RAD21L1: variants seen among roughly 807,000 people sequenced by gnomAD.
The protein encoded by RAD21L1 is double-strand-break repair protein rad21-like protein 1.
Under a neutral mutation model 69.0 loss-of-function variants are expected in RAD21L1, and 47 were observed. That is an observed-to-expected ratio of 0.68 (90% confidence interval 0.54 to 0.87). The LOEUF (loss-of-function observed/expected upper bound fraction) is 0.87, where lower values mean the gene tolerates loss of function less well. RAD21L1 is among the 40% of genes least tolerant of loss of function. RAD21L1 has a pLI of 0.00. For missense variants in RAD21L1, 583 were observed against 647.6 expected (o/e 0.90, Z 1.08); for synonymous variants, 177 against 205.8 (o/e 0.86, Z 1.20).
At chr20:1,233,277 G>A (rs971881768) in intron 4 of RAD21L1, among the ~76,000 whole-genome samples, 2 of 152,032 alleles carry the variant, frequency 1.3e-5, no homozygotes, top group Non-Finnish European at 2.9e-5. Context: ...CTTCAACCAT[G>A]GACTCTAAGA....
At position 1,246,420 on chromosome 20, in the gene RAD21L1, A is replaced by G. The variant is rs2087719405; in HGVS notation, c.1401+115A>G. The G allele has an allele frequency of 2.3e-6, 1 of 440,782 alleles. No individual in the cohort carries two copies. Among genetic ancestry groups the G allele is most frequent in the African/African-American group, 2.0e-5 (1 of 48,820 alleles). 27.3% of individuals were successfully genotyped at this position (440,782 alleles called of 1,614,324 possible). A position where few individuals can be genotyped will look rare whatever the true frequency, so the allele number is the denominator to read the frequency against. On this transcript the variant is annotated intron_variant, in intron 12 of 13. Transcript: ENST00000683101. The surrounding 1 kb of genome is among the most constrained non-coding windows in gnomAD (Gnocchi z 4.6). Reference sequence around the variant, plus strand: ...CTGTCATGTTACTTTCTAAATTTATAATTTAAATTTGTGATTACAACAGAG... The same window carrying G: ...CTGTCATGTTACTTTCTAAATTTATGATTTAAATTTGTGATTACAACAGAG...
chr20:1,249,709 TTAC>T (rs1229625869), intron 13 of RAD21L1, among the ~76,000 whole-genome samples: 1 of 152,176 alleles, frequency 6.6e-6, no homozygotes, highest in African/African-American at 2.4e-5. Context: ...AATAATTCTG[TTAC>T]TATAGAAGAA....
intron 4 of RAD21L1, among the ~76,000 whole-genome samples, chr20:1,232,382 C>G (rs1320706122): frequency 6.6e-6 from 1 of 152,136 alleles, no homozygotes; most frequent in Admixed American, 6.5e-5. Context: ...ATCCCTTTGG[C>G]TACTTACTCT....
intron 13 of RAD21L1, among the ~76,000 whole-genome samples, chr20:1,252,811 C>T (rs535475482): frequency 6.6e-6 from 1 of 152,202 alleles, no homozygotes; most frequent in Non-Finnish European, 1.5e-5. Flanking sequence ...TGGCTTCCCC[C>T]CTGCCAGCAC....
rs2087450448 is a variant in RAD21L1, at chr20:1,234,198, A to C, written c.475+7A>C. 7.8e-7 allele frequency: 1 copy of C among 1,274,410 alleles called. No individual in the cohort carries two copies. The highest frequency in any genetic ancestry group is 2.1e-5 in the Admixed American group (1 of 47,722). 78.9% of individuals were successfully genotyped at this position (1,274,410 alleles called of 1,614,324 possible). ...TTCCAAGCTGAGAGCTTTGGTGAGA[A>C]TATTTGAGAACTCAAAATTACAAAT... On this transcript the variant is annotated splice_region_variant and intron_variant, in intron 5 of 13. Coordinates refer to ENST00000683101, the MANE Select transcript of RAD21L1 (RefSeq NM_001384355.1).
Position 1,238,073 on chromosome 20 carries a change from A to C in RAD21L1, c.505A>C (p.Ser169Arg). ...GGAATCTGAAATTCTCAGAAGACAT[A>C]GCTTCTTTGATGACAACATATTACT... The part of the protein sequence containing the change: ...GEESEILRRH[S>R]FFDDNILLNS... Residue 169 changes from serine (S) to arginine (R), a missense_variant, in exon 6 of 14, where the codon AGC becomes CGC. By Grantham distance (110) the Ser-to-Arg change is moderately radical. Coordinates refer to ENST00000683101, the MANE Select transcript of RAD21L1 (RefSeq NM_001384355.1). 6.6e-7 allele frequency: 1 copy of C among 1,526,308 alleles called. No individual in the cohort carries two copies. Among genetic ancestry groups the C allele is most frequent in the Non-Finnish European group, 8.9e-7 (1 of 1,129,786 alleles). The allele number at this position is 1,526,308 out of a possible 1,614,324, so 94.5% of individuals were successfully genotyped here.
chr20:1,254,558 A>C lies in RAD21L1; in HGVS notation c.*101A>C. ...CTGGAAGCAGCTGAAGGTCTGATCCATTTCATAGATAGGCTGACCTACTTC... is the reference window on the plus strand; with the variant it reads ...CTGGAAGCAGCTGAAGGTCTGATCCCTTTCATAGATAGGCTGACCTACTTC... On this transcript the variant is annotated 3_prime_UTR_variant, in exon 14 of 14. Transcript: ENST00000683101. 1.4e-6 allele frequency: 1 copy of C among 718,870 alleles called. No individual in the cohort carries two copies. The highest frequency in any genetic ancestry group is 3.2e-5 in the South Asian group (1 of 31,332). 44.5% of individuals were successfully genotyped at this position (718,870 alleles called of 1,614,324 possible). A position where few individuals can be genotyped will look rare whatever the true frequency, so the allele number is the denominator to read the frequency against.
intron 13 of RAD21L1, among the ~76,000 whole-genome samples, chr20:1,253,357 C>T (rs1202466330): frequency 6.6e-6 from 1 of 152,110 alleles, no homozygotes; most frequent in Non-Finnish European, 1.5e-5. Context: ...AGTGCAGTGG[C>T]ATGATCTCGG....
chr20:1,244,062 A>G lies in RAD21L1; in HGVS notation c.1200A>G (p.Gln400=). ...ATAATTCAGAGACATCCATGATGCA[A>G]GAGCCAAATTACCAGCAAGAGTTAA... The part of the protein sequence containing the change: ...NQNIVETSMM[Q]EPNYQQELSK... Residue 400 remains glutamine (Q), a synonymous_variant, in exon 11 of 14, where the codon CAA becomes CAG. Transcript: ENST00000683101. 3 of 1,550,268 alleles carry G rather than the reference A, an allele frequency of 1.9e-6. No individual in the cohort carries two copies. Among genetic ancestry groups the G allele is most frequent in the Non-Finnish European group, 2.6e-6 (3 of 1,145,944 alleles).
chr20:1,234,686 T>G (rs1388561087), intron 5 of RAD21L1, among the ~76,000 whole-genome samples: 1 of 152,224 alleles, frequency 6.6e-6, no homozygotes, highest in Non-Finnish European at 1.5e-5. Flanking sequence ...TATATATTGA[T>G]TGTGAAACAG....
Position 1,230,002 on chromosome 20 carries a change from T to G in RAD21L1, c.267T>G (p.Phe89Leu). The change falls in exon 3 of 14, where the codon TTT becomes TTG. Residue 89 changes from phenylalanine (F) to leucine (L), a missense_variant. Transcript: ENST00000683101. ...CATTTCTTAAAATGAAGATGACATT[T>G]TGCCCAGGTATACATGTAATATTGA... Reference protein sequence around the residue: ...SEAFLKMKMTFCPGLVDLPKE... With the variant: ...SEAFLKMKMTLCPGLVDLPKE... 1 of 1,549,562 alleles carries G rather than the reference T, an allele frequency of 6.5e-7. No individual in the cohort carries two copies. Among genetic ancestry groups the G allele is most frequent in the Non-Finnish European group, 8.7e-7 (1 of 1,145,308 alleles).
At chr20:1,241,111 G>A (rs929795619) in intron 8 of RAD21L1, among the ~76,000 whole-genome samples, 4 of 152,184 alleles carry the variant, frequency 2.6e-5, no homozygotes, top group African/African-American at 9.7e-5. Context: ...TTCAAACCAT[G>A]TATCCAGTTT....
At chr20:1,250,675 A>G (rs1466101039) in intron 13 of RAD21L1, among the ~76,000 whole-genome samples, 1 of 152,208 alleles carries the variant, frequency 6.6e-6, no homozygotes. Flanking sequence ...ATATATGTGC[A>G]TGTGTCTTTA....
chr20:1,233,799 A>G (rs1314694066), intron 4 of RAD21L1, among the ~76,000 whole-genome samples: 1 of 152,188 alleles, frequency 6.6e-6, no homozygotes, highest in African/African-American at 2.4e-5. Flanking sequence ...ATTTCAAAAT[A>G]TGCATTTGAG....
intron 5 of RAD21L1, among the ~76,000 whole-genome samples, chr20:1,235,355 TCTGTAG>T (rs1286744883): frequency 6.6e-6 from 1 of 152,224 alleles, no homozygotes; most frequent in Admixed American, 6.5e-5. Flanking sequence ...TCTTGCCATA[TCTGTAG>T]CTGTGTTTCT....
chr20:1,238,406 G>A (rs867836500), intron 6 of RAD21L1, among the ~76,000 whole-genome samples, 192 bp downstream of exon 6: 3 of 152,000 alleles, frequency 2.0e-5, no homozygotes, highest in African/African-American at 4.8e-5. Context: ...GTAAATAGCC[G>A]TCTGTTTAAA....
chr20:1,230,079 T>G, intron 3 of RAD21L1, 70 bp downstream of exon 3: 4 of 1,199,496 alleles, frequency 3.3e-6, no homozygotes, highest in Non-Finnish European at 4.7e-6. Flanking sequence ...TGGGATCTTT[T>G]AATATACTTC....
chr20:1,248,518 C>A, intron 12 of RAD21L1, 108 bp from the exon 13 acceptor site: 1 of 564,178 alleles, frequency 1.8e-6, no homozygotes, highest in South Asian at 2.6e-5. Context: ...TTTGGCAGGA[C>A]CCATTGTAAT....
In RAD21L1 at chr20:1,242,630, A is replaced by C. The variant is rs774853634; in HGVS notation, c.868A>C (p.Lys290Gln). The C allele has an allele frequency of 5.2e-6, 8 of 1,550,404 alleles. No individual in the cohort carries two copies. In the African/African-American group the frequency reaches 9.6e-5, roughly 19 times the overall value. Reference protein sequence around the residue: ...DPIDISDIAEKRKGKKRRLLI... With the variant: ...DPIDISDIAEQRKGKKRRLLI... ...TTTCTTATATTTAGACATTGCTGAG[A>C]AAAGGAAAGGCAAAAAGAGGAGATT... is the stretch of plus-strand genomic sequence containing the variant. Residue 290 changes from lysine (K) to glutamine (Q), a missense_variant, in exon 9 of 14, where the codon AAA (lysine) becomes CAA (glutamine). Lys to Gln is a moderately conservative substitution (Grantham distance 53). Coordinates refer to ENST00000683101, the MANE Select transcript of RAD21L1 (RefSeq NM_001384355.1).
Sources: allele counts gnomAD v4.1 joint callset (sites outside exome capture counted in the v4.1 genomes callset), GRCh38; gene constraint gnomAD v4.1.1; non-coding constraint Gnocchi (gnomAD v3.1); transcripts MANE v1.5; gene names NCBI Gene and HGNC (gene_info 2026-07-23, HGNC 2026-07-21).